Variants in ZNF782 observed in about 807,000 individuals in gnomAD.
The protein encoded by ZNF782 is zinc finger protein 782.
ZNF782 carries 12 observed loss-of-function variants against 13.0 expected under a neutral mutation model. That is an observed-to-expected ratio of 0.92 (90% CI 0.59 to 1.50). ZNF782 has a LOEUF of 1.50. Among genes scored for constraint, ZNF782 ranks in the 40% most tolerant of loss-of-function variants. The pLI is 0.00. For synonymous variants in ZNF782, 284 were observed against 283.0 expected (o/e 1.00, Z -0.04); for missense variants, 770 against 822.9 (o/e 0.94, Z 0.79).
intron 3 of ZNF782, among the ~76,000 whole-genome samples, chr9:96,849,287 C>T (rs369057247): frequency 6.6e-6 from 1 of 152,240 alleles, no homozygotes; most frequent in Admixed American, 6.5e-5. Context: ...AGGGTTCCCT[C>T]TCCTATGAGA....
At chr9:96,907,981 T>C in the ZNF782 span, among the ~76,000 whole-genome samples, 1 of 149,796 alleles carries the variant, frequency 6.7e-6, no homozygotes, top group African/African-American at 2.5e-5. Context: ...ATTTTTTATC[T>C]GGGGGAAGGG....
At chr9:96,931,708 C>A in the ZNF782 span, 2 of 1,611,330 alleles carry the variant, frequency 1.2e-6, no homozygotes, top group Non-Finnish European at 1.7e-6. Context: ...CACCTCTTTC[C>A]TTTGTCTCCA....
chr9:96,924,847 C>T, the ZNF782 span, among the ~76,000 whole-genome samples: 1 of 152,228 alleles, frequency 6.6e-6, no homozygotes, highest in Non-Finnish European at 1.5e-5. Context: ...CCCTTCACTT[C>T]AAGGCCAGGT....
the ZNF782 span, among the ~76,000 whole-genome samples, chr9:96,913,845 A>G: frequency 6.8e-6 from 1 of 146,734 alleles, no homozygotes; most frequent in Non-Finnish European, 1.5e-5. Context: ...TATTTCTCCT[A>G]AGGTAAAAAA....
upstream of ZNF782, among the ~76,000 whole-genome samples, chr9:96,855,437 G>A (rs10816663): frequency 0.055 from 8,318 of 152,186 alleles, 505 homozygotes; most frequent in East Asian, 0.24. Context: ...AGTCCCCAAA[G>A]CCCATTGTGT....
At chr9:96,911,115 T>C in the ZNF782 span, among the ~76,000 whole-genome samples, 3 of 148,646 alleles carry the variant, frequency 2.0e-5, no homozygotes, top group African/African-American at 4.9e-5. Context: ...CCATGTTCAT[T>C]ATAATCTCAA....
chr9:96,834,206 T>C (rs1249883869), intron 4 of ZNF782, among the ~76,000 whole-genome samples: 1 of 152,206 alleles, frequency 6.6e-6, no homozygotes, highest in Non-Finnish European at 1.5e-5. Flanking sequence ...AACTGAATCA[T>C]AGGGACGGTT....
At chr9:96,858,113 T>C (rs1184613139), upstream of ZNF782, among the ~76,000 whole-genome samples, 3 of 152,202 alleles carry the variant, frequency 2.0e-5, no homozygotes, top group Admixed American at 2.0e-4. This position sits in a 1 kb window ranked among gnomAD's most constrained non-coding sequence, Gnocchi z 4.4. Flanking sequence ...GTGAAAAATG[T>C]GTAGCTTCAC....
At chr9:96,927,033 A>G in the ZNF782 span, among the ~76,000 whole-genome samples, 1 of 152,110 alleles carries the variant, frequency 6.6e-6, no homozygotes, top group Non-Finnish European at 1.5e-5. Flanking sequence ...CCTTGTTCAC[A>G]ACACAGAACA....
intron 3 of ZNF782, among the ~76,000 whole-genome samples, chr9:96,849,857 CATTT>C (rs2118787691): frequency 6.6e-6 from 1 of 152,144 alleles, no homozygotes; most frequent in African/African-American, 2.4e-5. Flanking sequence ...CATGAATTGT[CATTT>C]CTCAAAAGAA....
At chr9:96,911,385 G>C in the ZNF782 span, among the ~76,000 whole-genome samples, 1 of 125,248 alleles carries the variant, frequency 8.0e-6, no homozygotes, top group Admixed American at 8.2e-5. Context: ...CTTGCAGTGA[G>C]CCGAGATCGC....
intron 3 of ZNF782, among the ~76,000 whole-genome samples, chr9:96,845,338 T>C (rs114061658): frequency 0.016 from 2,411 of 152,272 alleles, 73 homozygotes; most frequent in African/African-American, 0.054. Flanking sequence ...CTCGGCTCAC[T>C]GCAACCTCCG....
the ZNF782 span, among the ~76,000 whole-genome samples, chr9:96,930,749 C>G: frequency 6.7e-6 from 1 of 150,368 alleles, no homozygotes; most frequent in African/African-American, 2.5e-5. Flanking sequence ...TGGCCTGAAT[C>G]TGACCCCTAT....
intron 4 of ZNF782, among the ~76,000 whole-genome samples, chr9:96,839,066 T>G (rs537455463): frequency 2.0e-5 from 3 of 152,172 alleles, no homozygotes; most frequent in African/African-American, 7.2e-5. Flanking sequence ...GGCTTACCAC[T>G]AGGCCTCATC....
chr9:96,887,728 T>C, the ZNF782 span: 4 of 152,160 alleles, frequency 2.6e-5, no homozygotes, highest in African/African-American at 7.2e-5. Flanking sequence ...CGTATGTTTA[T>C]TGCAGCGCTA....
At chr9:96,836,097 AG>A (rs1173979723) in intron 4 of ZNF782, among the ~76,000 whole-genome samples, 2 of 152,186 alleles carry the variant, frequency 1.3e-5, no homozygotes, top group Non-Finnish European at 2.9e-5. Context: ...CAGTGTGCTG[AG>A]GATGTGGGAC....
At chr9:96,835,150 GGT>G (rs1564003210) in intron 4 of ZNF782, among the ~76,000 whole-genome samples, 4 of 152,202 alleles carry the variant, frequency 2.6e-5, no homozygotes, top group Non-Finnish European at 5.9e-5. Context: ...ACTTAAGAGT[GGT>G]GAACTAGTAT....
the ZNF782 span, among the ~76,000 whole-genome samples, chr9:96,919,565 GT>G: frequency 6.0e-3 from 592 of 98,296 alleles, 20 homozygotes; most frequent in East Asian, 0.097. Context: ...TCTCAAATGA[GT>G]TTTTTTTTTT....
intron 5 of ZNF782, 66 bp downstream of exon 5, chr9:96,827,014 C>G (rs7848710): frequency 1.9e-6 from 2 of 1,031,440 alleles, no homozygotes; most frequent in Non-Finnish European, 2.9e-6. Context: ...TATGACTATA[C>G]GCTGAGTTGT....
Sources: allele counts gnomAD v4.1 joint callset (sites outside exome capture counted in the v4.1 genomes callset), GRCh38; gene constraint gnomAD v4.1.1; non-coding constraint Gnocchi (gnomAD v3.1); transcripts MANE v1.5; gene names NCBI Gene and HGNC (gene_info 2026-07-23, HGNC 2026-07-21).